The following PCDHGB2 variants were observed in gnomAD, a reference collection of about 807,000 sequenced individuals.
PCDHGB2 encodes the protein protocadherin gamma subfamily B, 2, also known as protocadherin gamma-B2.
PCDHGB2 carries 55 observed loss-of-function variants against 59.3 expected under a neutral mutation model. The observed-to-expected ratio is 0.93, with a 90% CI of 0.75 to 1.16. The LOEUF (loss-of-function observed/expected upper bound fraction) is 1.16, where lower values mean the gene tolerates loss of function less well. PCDHGB2 is among the 50% of genes most tolerant of loss of function. The pLI is 0.00. For missense variants in PCDHGB2, 1,228 were observed against 1,198.5 expected, an observed-to-expected ratio of 1.02 and a Z score of -0.36; for synonymous variants, 516 against 512.0, an observed-to-expected ratio of 1.01 and a Z score of -0.11.
At chr5:141,421,878 T>C (rs1364225081) in intron 1 of PCDHGB2, 1 of 1,613,612 alleles carries the variant, frequency 6.2e-7, no homozygotes, top group African/African-American at 1.3e-5. Context: ...CAGCTTTAGA[T>C]GGAGGCGATC....
intron 1 of PCDHGB2, among the ~76,000 whole-genome samples, chr5:141,446,174 G>A (rs1242027176): frequency 1.3e-5 from 2 of 152,062 alleles, no homozygotes; most frequent in Non-Finnish European, 2.9e-5. Context: ...GAGGGCAGGG[G>A]GTGTTTTGTT....
chr5:141,410,560 A>G (rs769354927), intron 1 of PCDHGB2: 3 of 1,612,824 alleles, frequency 1.9e-6, no homozygotes, highest in African/African-American at 1.3e-5. Flanking sequence ...TTTCTCCTGG[A>G]GCCTTAATTC....
chr5:141,477,453 A>G lies in PCDHGB2; in HGVS notation c.2422-17354A>G, dbSNP rs886363658. 1 of 1,614,018 alleles carries G rather than the reference A, an allele frequency of 6.2e-7. No homozygotes were observed. Among genetic ancestry groups the G allele is most frequent in the African/African-American group, 1.3e-5 (1 of 74,910 alleles). The stretch of plus-strand genomic sequence containing the variant: ...TCAGCCCTTACAATAGTGCGTGTTC[A>G]AGTGTCCGACATCAATGACAACCCT... On this transcript the variant is annotated intron_variant, in intron 1 of 3. Coordinates refer to ENST00000522605, the MANE Select transcript of PCDHGB2 (RefSeq NM_018923.3). This position sits in a 1 kb window ranked among gnomAD's most constrained non-coding sequence, Gnocchi z 4.9.
intron 1 of PCDHGB2, among the ~76,000 whole-genome samples, chr5:141,429,387 T>TAA (rs11410533): frequency 2.6e-5 from 4 of 151,334 alleles, no homozygotes; most frequent in African/African-American, 4.9e-5. Flanking sequence ...GTTTTTTTTT[T>TAA]AAAAAAAATT....
chr5:141,457,422 T>C (rs2098920028), intron 1 of PCDHGB2, among the ~76,000 whole-genome samples: 1 of 151,626 alleles, frequency 6.6e-6, no homozygotes. Flanking sequence ...CATCCCTTTT[T>C]CCCCCCCACC....
rs375080564 is a variant in PCDHGB2 at position 141,486,676 on chromosome 5, T to C, written c.2422-8131T>C. On this transcript the variant is annotated intron_variant, in intron 1 of 3. Transcript: ENST00000522605. The surrounding 1 kb of genome is among the most constrained non-coding windows in gnomAD (Gnocchi z 5.0). ...CACTCCTGGAGCCCAGGAATCGAGA[T>C]GTATCAGCTTCCTCTTTCATCTCTC... The C allele has an allele frequency of 6.2e-7, 1 of 1,614,120 alleles. No homozygotes were observed. The highest frequency in any genetic ancestry group is 1.7e-5 in the Admixed American group (1 of 60,032).
rs61612330 is a variant in PCDHGB2 at position 141,454,796 on chromosome 5, A to ATTTTTTTTT, written c.2422-39990_2422-39982dup. Among the ~76,000 whole-genome samples the ATTTTTTTTT allele has an allele frequency of 8.2e-3, 638 of 77,468 alleles. 91 individuals carry two copies. The highest frequency in any genetic ancestry group is 0.025 in the African/African-American group (426 of 16,886). 50.8% of individuals were successfully genotyped at this position (77,468 alleles called of 152,430 possible). On this transcript the variant is annotated intron_variant, in intron 1 of 3. Coordinates refer to ENST00000522605, the MANE Select transcript of PCDHGB2 (RefSeq NM_018923.3). ...AAGGAAATAATCCTCCATGGTTCTA[A>ATTTTTTTTT]TTTTTTTTTTTTTTTTTTTTTTTTT...
Position 141,485,713 on chromosome 5 carries a change from G to T in PCDHGB2, c.2422-9094G>T. On this transcript the variant is annotated intron_variant, in intron 1 of 3. Transcript: ENST00000522605. The surrounding 1 kb of genome is among the most constrained non-coding windows in gnomAD (Gnocchi z 5.7). ...TGAGCTCCAATGAACACTTTGCACT[G>T]GATGTGAAGAAGCGCAGCGACGGCA... 1 of 1,614,202 alleles carries T rather than the reference G, an allele frequency of 6.2e-7. No individual in the cohort carries two copies. The highest frequency in any genetic ancestry group is 8.5e-7 in the Non-Finnish European group (1 of 1,180,038).
At chr5:141,372,273 C>T (rs201775561) in intron 1 of PCDHGB2, 6 of 1,613,106 alleles carry the variant, frequency 3.7e-6, no homozygotes, top group East Asian at 4.5e-5. Context: ...GGGTGAGGTG[C>T]GCACGGCGCG....
At position 141,409,758 on chromosome 5, in the gene PCDHGB2, C is replaced by A. The variant is rs763902801; in HGVS notation, c.2421+47202C>A. Reference sequence around the variant, plus strand: ...AGCGGGGTGGTGTTCGCGCAGCGCGCCTTTGATCACGAGCAGCTGCGCGCC... The same window carrying A: ...AGCGGGGTGGTGTTCGCGCAGCGCGACTTTGATCACGAGCAGCTGCGCGCC... On this transcript the variant is annotated intron_variant, in intron 1 of 3. Transcript: ENST00000522605. 4 of 1,612,868 alleles carry A rather than the reference C, an allele frequency of 2.5e-6. No homozygotes were observed. In the African/African-American group the frequency reaches 4.0e-5, roughly 16 times the overall value.
chr5:141,432,797 T>C lies in PCDHGB2; in HGVS notation c.2422-62010T>C, dbSNP rs1591218426. On this transcript the variant is annotated intron_variant, in intron 1 of 3. Coordinates refer to ENST00000522605, the MANE Select transcript of PCDHGB2 (RefSeq NM_018923.3). The surrounding 1 kb of genome is among the most constrained non-coding windows in gnomAD (Gnocchi z 6.0). The stretch of plus-strand genomic sequence containing the variant: ...CCTGGCGGACCTCGGCAGCCTCGAG[T>C]CTCCAGCTAACTCTGAAACCTCAGA... 2.5e-6 allele frequency: 4 copies of C among 1,613,752 alleles called. No individual in the cohort carries two copies. The highest frequency in any genetic ancestry group is 2.7e-5 in the African/African-American group (2 of 74,816).
At chr5:141,365,118 T>C (rs754097120) in intron 1 of PCDHGB2, 1 of 1,613,888 alleles carries the variant, frequency 6.2e-7, no homozygotes, top group Non-Finnish European at 8.5e-7. Context: ...CGGCTGCTCA[T>C]GCTAACCGCC....
rs562192762 is a variant in PCDHGB2, at chr5:141,485,718, T to C, written c.2422-9089T>C. 1 of 1,614,058 alleles carries C rather than the reference T, an allele frequency of 6.2e-7. No homozygotes were observed. The highest frequency in any genetic ancestry group is 2.2e-5 in the East Asian group (1 of 44,866). On this transcript the variant is annotated intron_variant, in intron 1 of 3. Coordinates refer to ENST00000522605, the MANE Select transcript of PCDHGB2 (RefSeq NM_018923.3). This position sits in a 1 kb window ranked among gnomAD's most constrained non-coding sequence, Gnocchi z 5.7. ...TCCAATGAACACTTTGCACTGGATG[T>C]GAAGAAGCGCAGCGACGGCAGCCTG...
chr5:141,375,766 G>C lies in PCDHGB2; in HGVS notation c.2421+13210G>C, dbSNP rs754916018. The C allele has an allele frequency of 4.3e-6, 7 of 1,614,270 alleles. No homozygotes were observed. In the South Asian group the frequency reaches 7.7e-5, roughly 18 times the overall value. On this transcript the variant is annotated intron_variant, in intron 1 of 3. Coordinates refer to ENST00000522605, the MANE Select transcript of PCDHGB2 (RefSeq NM_018923.3). ...TGGACCAGAATGACAATGCGCCCGA[G>C]ATCCTGTACCCCGCCCTCCCCACAG...
At chr5:141,389,573 C>T (rs778800357) in intron 1 of PCDHGB2, 2 of 1,613,242 alleles carry the variant, frequency 1.2e-6, no homozygotes, top group African/African-American at 1.3e-5. Flanking sequence ...TGCTGTACCC[C>T]GCGCTGGGTC....
rs1423639578 is a variant in PCDHGB2, at chr5:141,383,107, G to T, written c.2421+20551G>T. The T allele has an allele frequency of 3.1e-6, 5 of 1,613,914 alleles. No individual in the cohort carries two copies. In the East Asian group the frequency reaches 6.7e-5, roughly 22 times the overall value. Reference sequence around the variant, plus strand: ...GCGCGGAGTCCGCATCATCTCCAGAGGTAGGACGCAGCTTTTCGCCCTGAA... The same window carrying T: ...GCGCGGAGTCCGCATCATCTCCAGATGTAGGACGCAGCTTTTCGCCCTGAA... On this transcript the variant is annotated intron_variant, in intron 1 of 3. Coordinates refer to ENST00000522605, the MANE Select transcript of PCDHGB2 (RefSeq NM_018923.3).
At chr5:141,415,318 C>T (rs1324377536) in intron 1 of PCDHGB2, 4 of 1,614,252 alleles carry the variant, frequency 2.5e-6, no homozygotes, top group Admixed American at 1.7e-5. Flanking sequence ...CGTCATCGTG[C>T]TGCTGGCGCA....
chr5:141,423,970 A>C, intron 1 of PCDHGB2: 1 of 1,143,228 alleles, frequency 8.7e-7, no homozygotes, highest in Non-Finnish European at 1.1e-6. Flanking sequence ...TTCTATTATC[A>C]GTGTATGAGG....
chr5:141,431,513 C>G lies in PCDHGB2; in HGVS notation c.2422-63294C>G. ...TCAGCCCGAGTACCGCGCGAGCGTT[C>G]CGGAGAATCTGGCCTTGGGCACGCA... On this transcript the variant is annotated intron_variant, in intron 1 of 3. Transcript: ENST00000522605. The surrounding 1 kb of genome is among the most constrained non-coding windows in gnomAD (Gnocchi z 4.8). 6.2e-7 allele frequency: 1 copy of G among 1,614,022 alleles called. No homozygotes were observed. Among genetic ancestry groups the G allele is most frequent in the South Asian group, 1.1e-5 (1 of 91,088 alleles).
Sources: allele counts gnomAD v4.1 joint callset (sites outside exome capture counted in the v4.1 genomes callset), GRCh38; gene constraint gnomAD v4.1.1; non-coding constraint Gnocchi (gnomAD v3.1); transcripts MANE v1.5; gene names NCBI Gene and HGNC (gene_info 2026-07-23, HGNC 2026-07-21).